The following ELMO2 variants were observed in gnomAD, a reference collection of about 807,000 sequenced individuals.
ELMO2 encodes engulfment and cell motility 2, also known as engulfment and cell motility protein 2.
ELMO2 carries 37 observed loss-of-function variants against 96.2 expected under a neutral mutation model. That is an observed-to-expected ratio of 0.38 (90% CI 0.30 to 0.51). The LOEUF (loss-of-function observed/expected upper bound fraction) is 0.51. Among genes scored for constraint, ELMO2 ranks in the 20% least tolerant of loss-of-function variants. The pLI, the probability that ELMO2 is intolerant of heterozygous loss-of-function variation, is 0.88. For synonymous variants in ELMO2, 315 were observed against 329.4 expected (o/e 0.96, Z 0.47); for missense variants, 561 against 912.6 (o/e 0.61, Z 4.96).
intron 1 of ELMO2, among the ~76,000 whole-genome samples, chr20:46,401,887 T>C (rs1020982873): frequency 6.6e-6 from 1 of 152,212 alleles, no homozygotes; most frequent in Non-Finnish European, 1.5e-5. Context: ...CCCAGTCTTC[T>C]GTACATACCT....
chr20:46,392,271 T>C lies in ELMO2; in HGVS notation c.243+822A>G, dbSNP rs537094183. Among the ~76,000 whole-genome samples, 10 of 152,314 alleles carry C rather than the reference T, an allele frequency of 6.6e-5. No homozygotes were observed. In the South Asian group the frequency reaches 2.1e-3, roughly 32 times the overall value. On this transcript the variant is annotated intron_variant, in intron 6 of 21. Coordinates refer to ENST00000290246, the MANE Select transcript of ELMO2 (RefSeq NM_133171.5). The stretch of plus-strand genomic sequence containing the variant: ...CCTTAGTGACCTTTAAGGGCTGCTC[T>C]TGCACAAATCAGGGTCATCCTCCAT...
chr20:46,399,113 A>G (rs1290367939), intron 1 of ELMO2, among the ~76,000 whole-genome samples: 1 of 152,214 alleles, frequency 6.6e-6, no homozygotes, highest in Non-Finnish European at 1.5e-5. Context: ...CCAGAATTTG[A>G]TACCAGGTTG....
At chr20:46,373,770 G>A (rs2059785797) in intron 15 of ELMO2, among the ~76,000 whole-genome samples, 1 of 152,096 alleles carries the variant, frequency 6.6e-6, no homozygotes, top group Non-Finnish European at 1.5e-5. Context: ...CACAGGCATG[G>A]GGTAGCTTTG....
Position 46,366,148 on chromosome 20 carries a change from A to G in ELMO2, c.*1212T>C, listed in dbSNP as rs1417200727. ...CTTGGCTCACAACTGGAAGTGTTAC[A>G]TACTTTTTACTTCCCCTCAATTTTA... On this transcript the variant is annotated 3_prime_UTR_variant, in exon 22 of 22. Coordinates refer to ENST00000290246, the MANE Select transcript of ELMO2 (RefSeq NM_133171.5). 1 of 152,678 alleles carries G rather than the reference A, an allele frequency of 6.5e-6. No individual in the cohort carries two copies. Among genetic ancestry groups the G allele is most frequent in the Non-Finnish European group, 1.5e-5 (1 of 68,050 alleles). 9.5% of individuals were successfully genotyped at this position (152,678 alleles called of 1,614,324 possible).
At chr20:46,393,654 C>G in intron 4 of ELMO2, 53 bp from the exon 5 acceptor site, 2 of 1,582,968 alleles carry the variant, frequency 1.3e-6, no homozygotes, top group East Asian at 4.5e-5. Flanking sequence ...TGTTCAGAAG[C>G]TGCTCATAAG....
In ELMO2 at chr20:46,394,626, T is replaced by C. The variant is rs546689502; in HGVS notation, c.-50-94A>G. The C allele has an allele frequency of 3.4e-6, 3 of 895,066 alleles. No homozygotes were observed. In the South Asian group the frequency reaches 4.8e-5, roughly 14 times the overall value. 55.4% of individuals were successfully genotyped at this position (895,066 alleles called of 1,614,324 possible). On this transcript the variant is annotated intron_variant, in intron 2 of 21. Coordinates refer to ENST00000290246, the MANE Select transcript of ELMO2 (RefSeq NM_133171.5). ...GAAGAGTTTGAAGACAGACACTGCA[T>C]AAAGTAACACATGAAACTACCTGGT...
At chr20:46,403,801 A>G (rs1303270037) in intron 1 of ELMO2, among the ~76,000 whole-genome samples, 1 of 152,212 alleles carries the variant, frequency 6.6e-6, no homozygotes, top group Admixed American at 6.5e-5. Context: ...CTGGGGCTGT[A>G]GGCCGGGCGC....
At chr20:46,367,626 C>G in intron 21 of ELMO2, 66 bp from the exon 22 acceptor site, 1 of 1,363,294 alleles carries the variant, frequency 7.3e-7, no homozygotes. Flanking sequence ...CTGCCAAGGT[C>G]TCTTTTCTGA....
At chr20:46,394,159 C>A (rs920859110) in intron 3 of ELMO2, 70 bp from the exon 4 acceptor site, 2 of 1,432,416 alleles carry the variant, frequency 1.4e-6, no homozygotes, top group African/African-American at 2.8e-5. Flanking sequence ...TGACAAGAGG[C>A]CTGCCAAGCA....
chr20:46,406,253 T>A (rs2060440867), intron 1 of ELMO2, among the ~76,000 whole-genome samples: 1 of 150,360 alleles, frequency 6.7e-6, no homozygotes, highest in African/African-American at 2.5e-5. Flanking sequence ...CTCCGACCGC[T>A]GCCCAGCCCA....
At chr20:46,405,412 G>T (rs970216006) in intron 1 of ELMO2, among the ~76,000 whole-genome samples, 1 of 152,176 alleles carries the variant, frequency 6.6e-6, no homozygotes, top group Non-Finnish European at 1.5e-5. Context: ...AGGAGCTTGG[G>T]ATGTAGAAGG....
At chr20:46,385,286 A>G (rs980976678) in intron 9 of ELMO2, among the ~76,000 whole-genome samples, 1 of 152,228 alleles carries the variant, frequency 6.6e-6, no homozygotes, top group African/African-American at 2.4e-5. Context: ...AAGTGAGGTA[A>G]AAACAGCGGA....
At chr20:46,387,802 G>A in intron 7 of ELMO2, 1 of 177,656 alleles carries the variant, frequency 5.6e-6, no homozygotes, top group Non-Finnish European at 1.2e-5. Flanking sequence ...TAAGTGCCAT[G>A]TTAACCTTTG....
Position 46,371,122 on chromosome 20 carries a change from A to T in ELMO2, c.1801+230T>A, listed in dbSNP as rs369582957. ...TTAACTACTGCCTTTCGACTTAGTCATGTACCACCCTTTACAGTCTACACA... is the reference window on the plus strand; with the variant it reads ...TTAACTACTGCCTTTCGACTTAGTCTTGTACCACCCTTTACAGTCTACACA... On this transcript the variant is annotated intron_variant, in intron 19 of 21. Coordinates refer to ENST00000290246, the MANE Select transcript of ELMO2 (RefSeq NM_133171.5). This position sits in a 1 kb window ranked among gnomAD's most constrained non-coding sequence, Gnocchi z 5.9. Among the ~76,000 whole-genome samples the T allele has an allele frequency of 6.6e-6, 1 of 152,354 alleles. No homozygotes were observed. The highest frequency in any genetic ancestry group is 2.1e-4 in the South Asian group (1 of 4,828).
At position 46,369,103 on chromosome 20, in the gene ELMO2, G is replaced by A. The variant is rs2059642544; in HGVS notation, c.1885-135C>T. 6.3e-6 allele frequency: 5 copies of A among 799,510 alleles called. No individual in the cohort carries two copies. The East Asian group carries it at 1.0e-4, about 16-fold the overall frequency. The allele number at this position is 799,510 out of a possible 1,614,324, so 49.5% of individuals were successfully genotyped here. A position where few individuals can be genotyped will look rare whatever the true frequency, so the allele number is the denominator to read the frequency against. On this transcript the variant is annotated intron_variant, in intron 20 of 21. Transcript: ENST00000290246. ...AGATGAATGTCATCAATGCTCCTAG[G>A]CGGCCACAAGTGTGGCTGGAGATGA... is the stretch of plus-strand genomic sequence containing the variant.
In ELMO2 at chr20:46,371,756, C is replaced by T; in HGVS notation, c.1580+50G>A. 1 of 1,613,854 alleles carries T rather than the reference C, an allele frequency of 6.2e-7. No homozygotes were observed. The highest frequency in any genetic ancestry group is 8.5e-7 in the Non-Finnish European group (1 of 1,179,786). On this transcript the variant is annotated intron_variant, in intron 17 of 21. Coordinates refer to ENST00000290246, the MANE Select transcript of ELMO2 (RefSeq NM_133171.5). The surrounding 1 kb of genome is among the most constrained non-coding windows in gnomAD (Gnocchi z 5.9). ...GGACAGTGGAGCTCTGGAAGGAAAG[C>T]AGAGCTGGCAGCCACCTCCCCCGCC...
At chr20:46,369,052 G>T in intron 20 of ELMO2, 84 bp from the exon 21 acceptor site, 2 of 1,251,388 alleles carry the variant, frequency 1.6e-6, no homozygotes, top group African/African-American at 2.9e-5. Flanking sequence ...CTAGTGACTC[G>T]GCATCATCAC....
At chr20:46,377,743 C>T (rs1299654900) in intron 11 of ELMO2, among the ~76,000 whole-genome samples, 1 of 152,228 alleles carries the variant, frequency 6.6e-6, no homozygotes, top group Admixed American at 6.5e-5. Context: ...CTGTCACAGG[C>T]ACGCCCTCTG....
intron 9 of ELMO2, among the ~76,000 whole-genome samples, chr20:46,384,868 G>A (rs1222160463): frequency 6.6e-6 from 1 of 151,910 alleles, no homozygotes; most frequent in Non-Finnish European, 1.5e-5. Context: ...TCGGGAGGCT[G>A]AGATGGGGAG....
Sources: allele counts gnomAD v4.1 joint callset (sites outside exome capture counted in the v4.1 genomes callset), GRCh38; gene constraint gnomAD v4.1.1; non-coding constraint Gnocchi (gnomAD v3.1); transcripts MANE v1.5; gene names NCBI Gene and HGNC (gene_info 2026-07-23, HGNC 2026-07-21).